ZMPSTE24: variants seen among roughly 807,000 people sequenced by gnomAD.
ZMPSTE24 encodes CAAX prenyl protease 1 homolog.
In ZMPSTE24, 48 loss-of-function variants were observed where a neutral mutation model predicts 56.7. The observed-to-expected ratio is 0.85, with a 90% CI of 0.67 to 1.08. The LOEUF (loss-of-function observed/expected upper bound fraction) is 1.08, where lower values mean the gene tolerates loss of function less well. Among genes scored for constraint, ZMPSTE24 ranks in the 50% least tolerant of loss-of-function variants. The pLI is 0.00. For synonymous variants in ZMPSTE24, 172 were observed against 195.2 expected (o/e 0.88, Z 0.99); for missense variants, 503 against 548.7 (o/e 0.92, Z 0.83).
chr1:40,275,657 C>G (rs1015790554), intron 6 of ZMPSTE24, among the ~76,000 whole-genome samples: 2 of 147,038 alleles, frequency 1.4e-5, no homozygotes, highest in Non-Finnish European at 3.0e-5. Context: ...GAGGCTGAGG[C>G]AGGAGGATCG....
At chr1:40,260,388 A>G (rs1266948961) in intron 1 of ZMPSTE24, among the ~76,000 whole-genome samples, 1 of 152,048 alleles carries the variant, frequency 6.6e-6, no homozygotes, top group Non-Finnish European at 1.5e-5. Flanking sequence ...CACAGACCTG[A>G]TATGTTTCCA....
chr1:40,287,839 T>C lies in ZMPSTE24; in HGVS notation c.1059+1810T>C, dbSNP rs1643802930. On this transcript the variant is annotated intron_variant, in intron 8 of 9. Transcript: ENST00000372759. Reference sequence around the variant, plus strand: ...ATATCATGTTGACTAGTTCTGAGCATATGTGGCCTTAACTGAATCTTCAGT... The same window carrying C: ...ATATCATGTTGACTAGTTCTGAGCACATGTGGCCTTAACTGAATCTTCAGT... 1.3e-5 allele frequency among the ~76,000 whole-genome samples: 2 copies of C among 152,036 alleles called. 1 individual carries two copies. The highest frequency in any genetic ancestry group is 4.1e-4 in the South Asian group (2 of 4,826).
intron 6 of ZMPSTE24, among the ~76,000 whole-genome samples, chr1:40,275,626 C>T (rs1458226769): frequency 6.6e-6 from 1 of 151,818 alleles, no homozygotes; most frequent in Non-Finnish European, 1.5e-5. Context: ...GTGGTGCACA[C>T]CTGTAGTTCC....
chr1:40,282,554 G>A (rs973990335), intron 7 of ZMPSTE24, among the ~76,000 whole-genome samples: 2 of 152,072 alleles, frequency 1.3e-5, no homozygotes, highest in Non-Finnish European at 2.9e-5. Flanking sequence ...ATGTTTTCCA[G>A]GCTGGTCGAA....
At position 40,292,590 on chromosome 1, in the gene ZMPSTE24, GGTT is replaced by G. The variant is rs750663722; in HGVS notation, c.1353_1355del (p.Leu451del). The G allele has an allele frequency of 6.2e-7, 1 of 1,614,060 alleles. No homozygotes were observed. Among genetic ancestry groups the G allele is most frequent in the South Asian group, 1.1e-5 (1 of 91,064 alleles). On this transcript the variant is annotated inframe_deletion, in exon 10 of 10. Transcript: ENST00000372759. ...AACTTGGGATTCCCTGTTTCTGACT[GGTT>G]GTTCTCAATGTGGCATTATTCTCAT...
intron 8 of ZMPSTE24, among the ~76,000 whole-genome samples, chr1:40,286,273 G>A (rs917790407): frequency 6.6e-6 from 1 of 152,130 alleles, no homozygotes; most frequent in Non-Finnish European, 1.5e-5. Flanking sequence ...GTTAATACAT[G>A]TAAAGAGTTT....
intron 8 of ZMPSTE24, among the ~76,000 whole-genome samples, chr1:40,289,669 T>C (rs1643820524): frequency 6.6e-6 from 1 of 152,208 alleles, no homozygotes; most frequent in Non-Finnish European, 1.5e-5. Flanking sequence ...AGATCCTAAT[T>C]TGCACAGAAA....
At position 40,292,697 on chromosome 1, in the gene ZMPSTE24, T is replaced by C. The variant is rs757969629; in HGVS notation, c.*28T>C. On this transcript the variant is annotated 3_prime_UTR_variant, in exon 10 of 10. Coordinates refer to ENST00000372759, the MANE Select transcript of ZMPSTE24 (RefSeq NM_005857.5). ...TGTCCAGGATCTGTGACTGAAGACA[T>C]TTCTGATTATTTCTGTCCTGGCAGC... The C allele has an allele frequency of 1.9e-6, 3 of 1,591,688 alleles. No homozygotes were observed. Among genetic ancestry groups the C allele is most frequent in the Non-Finnish European group, 2.6e-6 (3 of 1,160,200 alleles).
intron 6 of ZMPSTE24, 37 bp from the exon 7 acceptor site, chr1:40,281,306 T>A (rs768679168): frequency 6.2e-7 from 1 of 1,611,114 alleles, no homozygotes. Flanking sequence ...CCAAACTTTT[T>A]AATTATATTC....
chr1:40,269,866 T>C, intron 4 of ZMPSTE24, 109 bp from the exon 5 acceptor site: 2 of 1,312,554 alleles, frequency 1.5e-6, no homozygotes, highest in South Asian at 1.4e-5. Context: ...TCACTGCATG[T>C]TAATTTTAAA....
In ZMPSTE24 at chr1:40,270,062, A is replaced by G; in HGVS notation, c.562A>G (p.Ile188Val). The G allele has an allele frequency of 1.2e-6, 2 of 1,613,876 alleles. No homozygotes were observed. Among genetic ancestry groups the G allele is most frequent in the African/African-American group, 2.7e-5 (2 of 75,022 alleles). ...LLPVSSLLLYIIKIGGDYFFI... is the reference protein window; with the variant it reads ...LLPVSSLLLYVIKIGGDYFFI... ...GCCTGTGTCTTCACTTCTACTTTACATTATTAAAATTGGGGGTGACTATTT... is the reference window on the plus strand; with the variant it reads ...GCCTGTGTCTTCACTTCTACTTTACGTTATTAAAATTGGGGGTGACTATTT... The change falls in exon 5 of 10, where the codon ATT (isoleucine) becomes GTT (valine). Residue 188 changes from isoleucine to valine, a missense_variant. By Grantham distance (29) the Ile-to-Val change is conservative. Coordinates refer to ENST00000372759, the MANE Select transcript of ZMPSTE24 (RefSeq NM_005857.5).
rs1643858550 is a variant in ZMPSTE24, at chr1:40,292,918, T to G, written c.*249T>G. On this transcript the variant is annotated 3_prime_UTR_variant, in exon 10 of 10. Coordinates refer to ENST00000372759, the MANE Select transcript of ZMPSTE24 (RefSeq NM_005857.5). ...CTTTGACATCTAATTTACCATCAAG[T>G]TGTAAAATTATTTGGAAAAATACAG... is the stretch of plus-strand genomic sequence containing the variant. The G allele has an allele frequency of 2.5e-6, 1 of 394,908 alleles. No individual in the cohort carries two copies. Among genetic ancestry groups the G allele is most frequent in the South Asian group, 2.5e-5 (1 of 39,392 alleles). 24.5% of individuals were successfully genotyped at this position (394,908 alleles called of 1,614,324 possible).
intron 7 of ZMPSTE24, among the ~76,000 whole-genome samples, chr1:40,282,684 A>G (rs938860557): frequency 6.6e-6 from 1 of 152,218 alleles, no homozygotes; most frequent in African/African-American, 2.4e-5. Context: ...AGATGAGGCC[A>G]GTAGGGTTTC....
chr1:40,270,035 T>C lies in ZMPSTE24; in HGVS notation c.535T>C (p.Leu179=), dbSNP rs151329783. The C allele has an allele frequency of 1.9e-4, 312 of 1,613,988 alleles. 1 individual carries two copies. In the African/African-American group the frequency reaches 3.2e-3, roughly 17 times the overall value. The change falls in exon 5 of 10, where the codon TTG becomes CTG. Residue 179 remains leucine (L), a synonymous_variant. Coordinates refer to ENST00000372759, the MANE Select transcript of ZMPSTE24 (RefSeq NM_005857.5). Reference sequence around the variant, plus strand: ...ATTTGTTGTGACTCAGTGTATTTTGTTGCCTGTGTCTTCACTTCTACTTTA... The same window carrying C: ...ATTTGTTGTGACTCAGTGTATTTTGCTGCCTGTGTCTTCACTTCTACTTTA... ...KKFVVTQCIL[L]PVSSLLLYII... is the part of the protein sequence containing the mutation.
intron 6 of ZMPSTE24, among the ~76,000 whole-genome samples, chr1:40,272,975 C>T (rs1643627373): frequency 6.6e-6 from 1 of 152,204 alleles, no homozygotes; most frequent in Non-Finnish European, 1.5e-5. Context: ...AGCGCAAAAG[C>T]AGCCATAGAC....
intron 6 of ZMPSTE24, among the ~76,000 whole-genome samples, chr1:40,279,786 G>C (rs540953141): frequency 6.6e-6 from 1 of 152,286 alleles, no homozygotes; most frequent in South Asian, 2.1e-4. Context: ...TCGATTTGCT[G>C]TGCATACTTC....
At chr1:40,287,633 C>T (rs1024208624) in intron 8 of ZMPSTE24, among the ~76,000 whole-genome samples, 1 of 151,376 alleles carries the variant, frequency 6.6e-6, no homozygotes, top group Non-Finnish European at 1.5e-5. Context: ...TGAGATCGCC[C>T]CAGTGCACTC....
chr1:40,258,249 G>T lies in ZMPSTE24; in HGVS notation c.-23G>T. The T allele has an allele frequency of 6.2e-7, 1 of 1,612,460 alleles. No individual in the cohort carries two copies. ...CGGTGTGGCACCGGTGCACGCTGAAGGAGCCGGCGGAACCGGGTGGCCATG... is the reference window on the plus strand; with the variant it reads ...CGGTGTGGCACCGGTGCACGCTGAATGAGCCGGCGGAACCGGGTGGCCATG... On this transcript the variant is annotated 5_prime_UTR_variant, in exon 1 of 10. In the 5' UTR this introduces an upstream ATG that the reference lacks. Transcript: ENST00000372759.
intron 2 of ZMPSTE24, among the ~76,000 whole-genome samples, chr1:40,261,331 A>G (rs114052415): frequency 6.6e-6 from 1 of 151,738 alleles, no homozygotes; most frequent in African/African-American, 2.4e-5. Context: ...TACTTATCTC[A>G]TTATGTTGAA....
Sources: allele counts gnomAD v4.1 joint callset (sites outside exome capture counted in the v4.1 genomes callset), GRCh38; gene constraint gnomAD v4.1.1; transcripts MANE v1.5; gene names NCBI Gene and HGNC (gene_info 2026-07-23, HGNC 2026-07-21).